PLXNA4: variants seen among roughly 807,000 people sequenced by gnomAD.
PLXNA4 encodes plexin A4.
In PLXNA4, 44 loss-of-function variants were observed where a neutral mutation model predicts 191.8. The ratio of observed to expected loss-of-function variants is 0.23; its 90% CI spans 0.18 to 0.29. The LOEUF (loss-of-function observed/expected upper bound fraction) is 0.29, where lower values mean the gene tolerates loss of function less well. Among genes scored for constraint, PLXNA4 ranks in the 10% least tolerant of loss-of-function variants. The pLI, the probability that PLXNA4 is intolerant of heterozygous loss-of-function variation, is 1.00. For missense variants in PLXNA4, 1,800 were observed against 2,488.8 expected (o/e 0.72, Z 5.89); for synonymous variants, 1,082 against 1,009.5 (o/e 1.07, Z -1.36).
intron 2 of PLXNA4, among the ~76,000 whole-genome samples, chr7:132,493,442 G>T (rs1026760475): frequency 2.0e-5 from 3 of 152,158 alleles, no homozygotes; most frequent in African/African-American, 7.2e-5. Context: ...AGCCCATTTG[G>T]ACAACCCTGT....
chr7:132,511,665 G>T (rs980080179), intron 1 of PLXNA4, among the ~76,000 whole-genome samples: 1 of 152,134 alleles, frequency 6.6e-6, no homozygotes, highest in Admixed American at 6.5e-5. Context: ...AGTTGCTGTC[G>T]TTGTTATCGT....
intron 1 of PLXNA4, among the ~76,000 whole-genome samples, chr7:132,510,739 ACAGT>A (rs1166202445): frequency 5.9e-5 from 9 of 152,314 alleles, no homozygotes; most frequent in African/African-American, 1.2e-4. Flanking sequence ...CTTCAAGAAG[ACAGT>A]CAGAGCACGA....
At chr7:132,392,686 C>G (rs1793553587) in intron 3 of PLXNA4, among the ~76,000 whole-genome samples, 1 of 152,210 alleles carries the variant, frequency 6.6e-6, no homozygotes, top group Admixed American at 6.5e-5. Context: ...GTTACTGTGG[C>G]AACAGCCAGG....
chr7:132,636,151 T>C (rs921342035), intron 2 of PLXNA4, among the ~76,000 whole-genome samples: 1 of 152,102 alleles, frequency 6.6e-6, no homozygotes, highest in African/African-American at 2.4e-5. Flanking sequence ...GCTCAAAGAC[T>C]CCCATCCAAT....
chr7:132,471,921 C>T (rs1796949202), intron 3 of PLXNA4, among the ~76,000 whole-genome samples: 1 of 152,230 alleles, frequency 6.6e-6, no homozygotes, highest in African/African-American at 2.4e-5. Flanking sequence ...TTTAAAAATA[C>T]ATCGAGTGTG....
chr7:132,365,536 G>A (rs1350419152), intron 3 of PLXNA4, among the ~76,000 whole-genome samples: 1 of 152,124 alleles, frequency 6.6e-6, no homozygotes, highest in Non-Finnish European at 1.5e-5. Context: ...ATGACTTGTG[G>A]TTCAATGGAT....
Position 132,309,153 on chromosome 7 carries a change from C to T in PLXNA4, c.1372-10931G>A, listed in dbSNP as rs73723774. 8.4e-3 allele frequency among the ~76,000 whole-genome samples: 1,282 copies of T among 152,212 alleles called. 11 individuals are homozygous for T. Among genetic ancestry groups the T allele is most frequent in the African/African-American group, 0.029 (1,217 of 41,536 alleles). ...AAGCTACAGGAATTGTCTAGGAAACCCTGAGTCTGCTTTAACTCAGGAGAG... is the reference window on the plus strand; with the variant it reads ...AAGCTACAGGAATTGTCTAGGAAACTCTGAGTCTGCTTTAACTCAGGAGAG... On this transcript the variant is annotated intron_variant, in intron 3 of 31. Transcript: ENST00000321063.
intron 2 of PLXNA4, among the ~76,000 whole-genome samples, chr7:132,626,763 A>T (rs993594577): frequency 6.6e-6 from 1 of 152,140 alleles, no homozygotes; most frequent in Non-Finnish European, 1.5e-5. Flanking sequence ...CACATCTGTC[A>T]ATCCCTAATG....
chr7:132,210,905 G>C (rs776989758), intron 10 of PLXNA4, 38 bp downstream of exon 10: 63 of 1,594,346 alleles, frequency 4.0e-5, no homozygotes, highest in Non-Finnish European at 5.3e-5. Flanking sequence ...GGTGGGACTG[G>C]GGCCTGGTTT....
chr7:132,533,605 C>T (rs2116452601), intron 1 of PLXNA4, among the ~76,000 whole-genome samples: 1 of 152,238 alleles, frequency 6.6e-6, no homozygotes, highest in East Asian at 1.9e-4. Flanking sequence ...GGCCTCTGTT[C>T]TCCTTTTGCT....
chr7:132,573,761 G>A (rs2116779175), intron 1 of PLXNA4, among the ~76,000 whole-genome samples: 1 of 152,326 alleles, frequency 6.6e-6, no homozygotes, highest in Non-Finnish European at 1.5e-5. Context: ...AGAGCCCGGG[G>A]AGGCGTGATT....
intron 29 of PLXNA4, among the ~76,000 whole-genome samples, chr7:132,143,979 G>A (rs920957152): frequency 6.6e-6 from 1 of 152,202 alleles, no homozygotes; most frequent in Non-Finnish European, 1.5e-5. Context: ...AGGAGCCAGA[G>A]TATACTACAT....
chr7:132,159,122 G>A (rs939034105), intron 25 of PLXNA4, among the ~76,000 whole-genome samples: 5 of 152,188 alleles, frequency 3.3e-5, no homozygotes, highest in Middle Eastern at 3.4e-3. Context: ...TCAGACAAGC[G>A]GACTCTGCCC....
chr7:132,547,249 C>T (rs554032529), intron 1 of PLXNA4, among the ~76,000 whole-genome samples: 1 of 152,336 alleles, frequency 6.6e-6, no homozygotes, highest in South Asian at 2.1e-4. Context: ...AAGGCATCAT[C>T]ACCCCCATCT....
chr7:132,426,401 G>A (rs1435865516), intron 3 of PLXNA4, among the ~76,000 whole-genome samples: 5 of 152,210 alleles, frequency 3.3e-5, no homozygotes, highest in Admixed American at 2.6e-4. Context: ...CTCTGTCTGA[G>A]GCACACAGTG....
At chr7:132,359,258 G>C (rs1803836467) in intron 3 of PLXNA4, among the ~76,000 whole-genome samples, 1 of 107,854 alleles carries the variant, frequency 9.3e-6, no homozygotes, top group South Asian at 3.3e-4. Flanking sequence ...GTCTTGCTTT[G>C]TCACGCAGGC....
intron 2 of PLXNA4, among the ~76,000 whole-genome samples, chr7:132,590,946 C>A (rs1802594821): frequency 6.6e-6 from 1 of 152,136 alleles, no homozygotes; most frequent in South Asian, 2.1e-4. Flanking sequence ...AGGACCCAGT[C>A]TCTCTTCCTA....
intron 2 of PLXNA4, among the ~76,000 whole-genome samples, chr7:132,621,411 C>T (rs981646499): frequency 1.3e-5 from 2 of 152,028 alleles, no homozygotes; most frequent in African/African-American, 2.4e-5. Context: ...CAGGCGCATG[C>T]CACCATGCCC....
intron 2 of PLXNA4, among the ~76,000 whole-genome samples, chr7:132,632,312 T>C (rs1009495565): frequency 3.3e-5 from 5 of 151,356 alleles, no homozygotes; most frequent in African/African-American, 4.9e-5. Context: ...TTAGAGCTCA[T>C]GGTAGGCAAG....
Sources: allele counts gnomAD v4.1 joint callset (sites outside exome capture counted in the v4.1 genomes callset), GRCh38; gene constraint gnomAD v4.1.1; transcripts MANE v1.5; gene names NCBI Gene and HGNC (gene_info 2026-07-23, HGNC 2026-07-21).